ARHGAP12: variants seen among roughly 807,000 people sequenced by gnomAD.
The protein encoded by ARHGAP12 is Rho GTPase activating protein 12.
A neutral mutation model predicts 108.6 loss-of-function variants in ARHGAP12; 64 were observed. That is an observed-to-expected ratio of 0.59 (90% CI 0.48 to 0.73). The LOEUF is 0.73. ARHGAP12 is among the 30% of genes least tolerant of loss of function. The pLI is 0.00. For synonymous variants in ARHGAP12, 312 were observed against 337.2 expected (o/e 0.93, Z 0.82); for missense variants, 940 against 1,005.9 (o/e 0.93, Z 0.89).
intron 10 of ARHGAP12, among the ~76,000 whole-genome samples, chr10:31,827,284 A>C (rs1200207597): frequency 6.6e-6 from 1 of 152,220 alleles, no homozygotes; most frequent in Non-Finnish European, 1.5e-5. Flanking sequence ...TATTTGAAAA[A>C]ACAAAACAGT....
At chr10:31,925,776 G>C (rs1437986333) in intron 1 of ARHGAP12, among the ~76,000 whole-genome samples, 5 of 152,160 alleles carry the variant, frequency 3.3e-5, no homozygotes, top group African/African-American at 1.2e-4. Flanking sequence ...ACTGTTGTTC[G>C]ATACAGCAGT....
chr10:31,925,969 T>C (rs193084772), intron 1 of ARHGAP12, among the ~76,000 whole-genome samples: 1 of 152,370 alleles, frequency 6.6e-6, no homozygotes, highest in East Asian at 1.9e-4. Flanking sequence ...TCACTTTTTT[T>C]CCACGTGCTT....
At chr10:31,816,654 G>C (rs1353274963) in intron 13 of ARHGAP12, among the ~76,000 whole-genome samples, 1 of 152,190 alleles carries the variant, frequency 6.6e-6, no homozygotes, top group Non-Finnish European at 1.5e-5. Flanking sequence ...GAATTTTAAT[G>C]AATCACAGCA....
intron 3 of ARHGAP12, among the ~76,000 whole-genome samples, chr10:31,888,066 G>C (rs1453984633): frequency 1.3e-5 from 2 of 152,124 alleles, no homozygotes; most frequent in Non-Finnish European, 2.9e-5. Context: ...TTCCTTGCCA[G>C]CTCCCTCCCT....
At chr10:31,920,745 G>A (rs907797653) in intron 1 of ARHGAP12, among the ~76,000 whole-genome samples, 8 of 152,126 alleles carry the variant, frequency 5.3e-5, no homozygotes, top group African/African-American at 1.9e-4. Context: ...TTTACATAGT[G>A]TTAGTGAGAG....
intron 3 of ARHGAP12, among the ~76,000 whole-genome samples, chr10:31,881,788 CTT>C (rs1283239283): frequency 6.6e-6 from 1 of 151,956 alleles, no homozygotes; most frequent in Non-Finnish European, 1.5e-5. Context: ...TTAAAAAATA[CTT>C]TTGTTACCAC....
intron 1 of ARHGAP12, among the ~76,000 whole-genome samples, chr10:31,916,316 C>T (rs931813582): frequency 6.6e-6 from 1 of 152,076 alleles, no homozygotes; most frequent in Non-Finnish European, 1.5e-5. Flanking sequence ...TTCCTCCTCC[C>T]TTTTTCCACG....
In ARHGAP12 at chr10:31,839,723, A is replaced by G; in HGVS notation, c.1297-12T>C. 1 of 1,588,292 alleles carries G rather than the reference A, an allele frequency of 6.3e-7. No individual in the cohort carries two copies. Among genetic ancestry groups the G allele is most frequent in the Non-Finnish European group, 8.6e-7 (1 of 1,160,972 alleles). ...GCAGTTGGAGATTCCTACAAGAAAT[A>G]AGTAATGAAAAAAGTTACTCTATTT... On this transcript the variant is annotated splice_polypyrimidine_tract_variant and intron_variant, in intron 7 of 19. Coordinates refer to ENST00000344936, the MANE Select transcript of ARHGAP12 (RefSeq NM_018287.7).
chr10:31,901,045 C>T (rs1220438167), intron 3 of ARHGAP12, among the ~76,000 whole-genome samples: 2 of 151,100 alleles, frequency 1.3e-5, no homozygotes, highest in South Asian at 2.1e-4. Context: ...GGCAAAACCC[C>T]GTCTCTACTA....
chr10:31,905,049 T>C (rs1184155244), intron 3 of ARHGAP12, among the ~76,000 whole-genome samples: 2 of 152,036 alleles, frequency 1.3e-5, no homozygotes, highest in Non-Finnish European at 1.5e-5. Flanking sequence ...AAGACAGACA[T>C]AGGAGCTGAG....
chr10:31,921,763 C>CAAAAAAAAAA (rs57420280), intron 1 of ARHGAP12, among the ~76,000 whole-genome samples: 3 of 37,916 alleles, frequency 7.9e-5, no homozygotes, highest in African/African-American at 1.7e-4. Flanking sequence ...GGCTCCATCT[C>CAAAAAAAAAA]AAAAAAAAAA....
intron 3 of ARHGAP12, among the ~76,000 whole-genome samples, chr10:31,878,214 T>C (rs79356810): frequency 1.3e-5 from 2 of 151,808 alleles, no homozygotes; most frequent in South Asian, 4.2e-4. Context: ...ACAGAATAAG[T>C]TGAAAAAGAA....
At chr10:31,889,415 CACAAA>C (rs984626179) in intron 3 of ARHGAP12, among the ~76,000 whole-genome samples, 12 of 152,082 alleles carry the variant, frequency 7.9e-5, no homozygotes, top group Non-Finnish European at 1.3e-4. Flanking sequence ...AAAAGTACAA[CACAAA>C]ACAAATTTTA....
intron 3 of ARHGAP12, among the ~76,000 whole-genome samples, chr10:31,907,802 G>A (rs1237954722): frequency 6.6e-6 from 1 of 152,048 alleles, no homozygotes; most frequent in Non-Finnish European, 1.5e-5. Flanking sequence ...TTGGAACCAA[G>A]TCAAAATGGG....
intron 3 of ARHGAP12, among the ~76,000 whole-genome samples, chr10:31,900,294 T>C (rs545440677): frequency 6.6e-6 from 1 of 152,216 alleles, no homozygotes; most frequent in Non-Finnish European, 1.5e-5. Flanking sequence ...GAAAGACAGT[T>C]TGACAGTTTC....
chr10:31,915,162 A>G (rs1332317372), intron 1 of ARHGAP12, among the ~76,000 whole-genome samples: 1 of 152,186 alleles, frequency 6.6e-6, no homozygotes, highest in African/African-American at 2.4e-5. Context: ...CGGGGCGTGC[A>G]GATCACCTGA....
intron 3 of ARHGAP12, among the ~76,000 whole-genome samples, chr10:31,872,560 T>C (rs2132338900): frequency 6.6e-6 from 1 of 152,298 alleles, no homozygotes; most frequent in East Asian, 1.9e-4. Context: ...CTTCCTCTCT[T>C]ATCCCAAGAT....
Position 31,814,309 on chromosome 10 carries a change from A to T in ARHGAP12, c.1784T>A (p.Ile595Lys). Residue 595 changes from isoleucine (I) to lysine (K), a missense_variant, in exon 14 of 20, where the codon ATA (isoleucine) becomes AAA (lysine). Physicochemically the swap from Ile to Lys is moderately radical, Grantham distance 102. Coordinates refer to ENST00000344936, the MANE Select transcript of ARHGAP12 (RefSeq NM_018287.7). ...TTCCTTTTCTTTATCATGCTTTTCTATTCCTGGTGAATCCGGTATCTCCTC... is the reference window on the plus strand; with the variant it reads ...TTCCTTTTCTTTATCATGCTTTTCTTTTCCTGGTGAATCCGGTATCTCCTC... ...IEEEIPDSPG[I>K]EKHDKEKEQK... The T allele has an allele frequency of 1.2e-6, 2 of 1,614,092 alleles. No homozygotes were observed. Among genetic ancestry groups the T allele is most frequent in the South Asian group, 2.2e-5 (2 of 91,076 alleles).
chr10:31,826,514 T>C, intron 10 of ARHGAP12, 129 bp from the exon 11 acceptor site: 1 of 676,976 alleles, frequency 1.5e-6, no homozygotes, highest in Admixed American at 3.2e-5. Context: ...ATTTTAATTG[T>C]TTTTATTGGG....
Sources: gnomAD v4.1 joint callset for allele counts (sites outside exome capture counted in the v4.1 genomes callset) on GRCh38, gnomAD v4.1.1 for gene constraint, MANE v1.5 for transcripts, NCBI Gene and HGNC (gene_info 2026-07-23, HGNC 2026-07-21) for gene names.